PTPRK: variants seen among roughly 807,000 people sequenced by gnomAD.
PTPRK encodes receptor-type tyrosine-protein phosphatase kappa.
PTPRK carries 75 observed loss-of-function variants against 178.0 expected under a neutral mutation model. The ratio of observed to expected loss-of-function variants is 0.42; its 90% CI spans 0.35 to 0.51. PTPRK has a LOEUF of 0.51. Ranked by LOEUF, PTPRK falls within the 20% of genes least tolerant of loss-of-function variation. The probability of loss-of-function intolerance (pLI) is 0.02; values close to 1 mark genes in which losing one functional copy is unlikely to be tolerated. For synonymous variants in PTPRK, 637 were observed against 620.6 expected, an observed-to-expected ratio of 1.03 and a Z score of -0.39; for missense variants, 1,441 against 1,797.8, an observed-to-expected ratio of 0.80 and a Z score of 3.59.
chr6:128,094,723 G>A, intron 7 of PTPRK, among the ~76,000 whole-genome samples: 1 of 152,142 alleles, frequency 6.6e-6, no homozygotes, highest in Admixed American at 6.6e-5. Flanking sequence ...TAGATAACTT[G>A]GAGAGCATTA....
At chr6:128,051,862 C>A (rs6913595) in intron 13 of PTPRK, among the ~76,000 whole-genome samples, 136,040 of 152,194 alleles carry the variant, frequency 0.89, 61,006 homozygotes, top group East Asian at 1. Flanking sequence ...TCCAAAATGG[C>A]ATAAATCATT....
chr6:128,367,230 T>G (rs1835634577), intron 2 of PTPRK, among the ~76,000 whole-genome samples: 1 of 152,162 alleles, frequency 6.6e-6, no homozygotes, highest in African/African-American at 2.4e-5. Context: ...TACTATATTC[T>G]GCATGCTGGT....
intron 2 of PTPRK, among the ~76,000 whole-genome samples, chr6:128,389,930 C>A (rs1218879206): frequency 1.3e-5 from 2 of 152,020 alleles, no homozygotes; most frequent in Non-Finnish European, 2.9e-5. Context: ...ACATTAAAAA[C>A]CAGCCTTCAT....
chr6:128,164,442 T>C (rs1799108735), intron 7 of PTPRK, among the ~76,000 whole-genome samples: 1 of 151,380 alleles, frequency 6.6e-6, no homozygotes, highest in South Asian at 2.1e-4. Context: ...CTTTTGTATA[T>C]GACATCACTA....
chr6:128,331,265 C>T (rs1316494912), intron 2 of PTPRK, among the ~76,000 whole-genome samples: 1 of 152,094 alleles, frequency 6.6e-6, no homozygotes, highest in African/African-American at 2.4e-5. Flanking sequence ...CCTGCATTCC[C>T]ATAGCACTTA....
At chr6:128,353,986 A>T (rs1193926248) in intron 2 of PTPRK, among the ~76,000 whole-genome samples, 1 of 152,150 alleles carries the variant, frequency 6.6e-6, no homozygotes, top group African/African-American at 2.4e-5. Context: ...AAATGGATAA[A>T]GGGACACAAA....
intron 2 of PTPRK, among the ~76,000 whole-genome samples, chr6:128,363,358 T>C (rs2128343450): frequency 6.6e-6 from 1 of 152,194 alleles, no homozygotes; most frequent in African/African-American, 2.4e-5. Flanking sequence ...TCAGCATGAG[T>C]TTGTGGGTGA....
chr6:128,193,339 T>C (rs1347525551), intron 6 of PTPRK, among the ~76,000 whole-genome samples: 2 of 151,218 alleles, frequency 1.3e-5, no homozygotes, highest in Non-Finnish European at 3.0e-5. Flanking sequence ...ATTTTTTTTG[T>C]CTTTTCTACA....
chr6:128,156,524 A>T (rs1297767263), intron 7 of PTPRK, among the ~76,000 whole-genome samples: 1 of 151,904 alleles, frequency 6.6e-6, no homozygotes, highest in African/African-American at 2.4e-5. Flanking sequence ...CCATGTGCTT[A>T]CAAGCAACCA....
intron 8 of PTPRK, among the ~76,000 whole-genome samples, chr6:128,086,771 T>C (rs1032194821): frequency 2.0e-5 from 3 of 152,052 alleles, no homozygotes; most frequent in African/African-American, 7.2e-5. Flanking sequence ...AAATACTTCA[T>C]GGAAGAGTTT....
intron 1 of PTPRK, among the ~76,000 whole-genome samples, chr6:128,464,674 T>TATATATACAA (rs1407701569): frequency 7.2e-5 from 9 of 124,758 alleles, no homozygotes; most frequent in African/African-American, 2.5e-4. Context: ...TATATATATA[T>TATATATACAA]ACAACAGATG....
chr6:128,432,197 C>T (rs1844919394), intron 1 of PTPRK, among the ~76,000 whole-genome samples: 1 of 152,230 alleles, frequency 6.6e-6, no homozygotes, highest in Non-Finnish European at 1.5e-5. Flanking sequence ...CACTGCACCT[C>T]ATTTACAAAA....
Position 127,981,239 on chromosome 6 carries a change from C to G in PTPRK, c.3588G>C (p.Ala1196=). The G allele has an allele frequency of 3.1e-6, 5 of 1,613,740 alleles. No homozygotes were observed. The highest frequency in any genetic ancestry group is 4.2e-6 in the Non-Finnish European group (5 of 1,179,906). Reference sequence around the variant, plus strand: ...TCTTGTCATGGTTCCTTGGCAGGCACGCTATACTGCAGTCTTCAGCTTGTA... The same window carrying G: ...TCTTGTCATGGTTCCTTGGCAGGCAGGCTATACTGCAGTCTTCAGCTTGTA... ...PRLQAEDCSI[A]CLPRNHDKNR... Residue 1196 remains alanine, a synonymous_variant, in exon 25 of 30, where the codon GCG becomes GCC. Coordinates refer to ENST00000368226, the MANE Select transcript of PTPRK (RefSeq NM_002844.4).
chr6:128,356,786 T>G (rs551780022), intron 2 of PTPRK, among the ~76,000 whole-genome samples: 1 of 152,360 alleles, frequency 6.6e-6, no homozygotes, highest in Admixed American at 6.5e-5. Context: ...CAAATTAGTA[T>G]GAACAATAGG....
At chr6:128,204,269 T>G (rs1437122558) in intron 6 of PTPRK, among the ~76,000 whole-genome samples, 1 of 152,016 alleles carries the variant, frequency 6.6e-6, no homozygotes, top group Non-Finnish European at 1.5e-5. Flanking sequence ...ATACAAAAAT[T>G]AACCCAAGAT....
At chr6:128,199,804 G>A (rs573661846) in intron 6 of PTPRK, among the ~76,000 whole-genome samples, 38 of 152,238 alleles carry the variant, frequency 2.5e-4, no homozygotes, top group African/African-American at 8.9e-4. Flanking sequence ...AAACATGGGC[G>A]TCTATGTTTT....
In PTPRK at chr6:128,217,211, G is replaced by T. The variant is rs1207273510; in HGVS notation, c.868+1711C>A. 2.0e-5 allele frequency among the ~76,000 whole-genome samples: 3 copies of T among 152,164 alleles called. No individual in the cohort carries two copies. In the East Asian group the frequency reaches 5.8e-4, roughly 29 times the overall value. On this transcript the variant is annotated intron_variant, in intron 6 of 29. Transcript: ENST00000368226. ...TGAACATGTGATAAATTGTTTCTCTGCCTAAATACGGAAGTCAAATACTAT... is the reference window on the plus strand; with the variant it reads ...TGAACATGTGATAAATTGTTTCTCTTCCTAAATACGGAAGTCAAATACTAT...
intron 13 of PTPRK, among the ~76,000 whole-genome samples, chr6:128,032,856 G>A (rs571980932): frequency 6.6e-6 from 1 of 152,244 alleles, no homozygotes; most frequent in South Asian, 2.1e-4. Flanking sequence ...TATCAGCCAC[G>A]AGAAGAAGAA....
intron 1 of PTPRK, among the ~76,000 whole-genome samples, chr6:128,478,851 A>G (rs1354805656): frequency 3.3e-5 from 5 of 152,166 alleles, no homozygotes; most frequent in African/African-American, 1.2e-4. Context: ...TAAAATTCCT[A>G]AGATACAAAA....
Sources: gnomAD v4.1 joint callset for allele counts (sites outside exome capture counted in the v4.1 genomes callset) on GRCh38, gnomAD v4.1.1 for gene constraint, MANE v1.5 for transcripts, NCBI Gene and HGNC (gene_info 2026-07-23, HGNC 2026-07-21) for gene names.